The following XKR6 variants were observed in gnomAD, a reference collection of about 807,000 sequenced individuals.
XKR6 encodes XK related 6.
XKR6 carries 22 observed loss-of-function variants against 56.7 expected under a neutral mutation model. The observed-to-expected ratio is 0.39, with a 90% CI of 0.28 to 0.55. The LOEUF (loss-of-function observed/expected upper bound fraction) is 0.55. Among genes scored for constraint, XKR6 ranks in the 20% least tolerant of loss-of-function variants. The pLI, the probability that XKR6 is intolerant of heterozygous loss-of-function variation, is 0.66. For synonymous variants in XKR6, 524 were observed against 387.8 expected (o/e 1.35, Z -4.13); for missense variants, 852 against 889.0 (o/e 0.96, Z 0.53).
At chr8:10,968,287 G>A (rs1368284395) in intron 1 of XKR6, among the ~76,000 whole-genome samples, 1 of 152,248 alleles carries the variant, frequency 6.6e-6, no homozygotes, top group Admixed American at 6.5e-5. Flanking sequence ...AAGTGCCTCT[G>A]CAGATTGGAC....
chr8:10,922,895 A>G (rs1306331765), intron 2 of XKR6, among the ~76,000 whole-genome samples: 1 of 152,224 alleles, frequency 6.6e-6, no homozygotes, highest in East Asian at 1.9e-4. Context: ...TGCATGTCCC[A>G]GCTGGAGCCG....
intron 1 of XKR6, among the ~76,000 whole-genome samples, chr8:11,097,310 G>A (rs1318560978): frequency 2.0e-5 from 3 of 152,042 alleles, no homozygotes; most frequent in Non-Finnish European, 4.4e-5. Flanking sequence ...CTACATTCAG[G>A]ATGCAATACT....
intron 1 of XKR6, among the ~76,000 whole-genome samples, chr8:11,131,410 T>C (rs1163086505): frequency 6.8e-6 from 1 of 147,844 alleles, no homozygotes; most frequent in Non-Finnish European, 1.5e-5. Flanking sequence ...GATGAAATCA[T>C]TTTTTTTGAG....
In XKR6 at chr8:11,034,051, C is replaced by T. The variant is rs560890945; in HGVS notation, c.765-109221G>A. On this transcript the variant is annotated intron_variant, in intron 1 of 2. Coordinates refer to ENST00000416569, the MANE Select transcript of XKR6 (RefSeq NM_173683.4). ...TTAGTCAACCTTATGTGTTAAGTGC[C>T]AACTGTCTGCAAAGCACAGTCCACG... Among the ~76,000 whole-genome samples the T allele has an allele frequency of 3.3e-4, 50 of 152,258 alleles. 1 individual carries two copies. In the South Asian group the frequency reaches 4.4e-3, roughly 13 times the overall value.
intron 1 of XKR6, among the ~76,000 whole-genome samples, chr8:10,928,695 C>T (rs1010541038): frequency 1.5e-4 from 23 of 152,188 alleles, no homozygotes; most frequent in African/African-American, 5.5e-4. Context: ...TCTGCCAGGG[C>T]GCGGAGTGCA....
chr8:10,979,737 C>T (rs1419679004), intron 1 of XKR6, among the ~76,000 whole-genome samples: 1 of 152,196 alleles, frequency 6.6e-6, no homozygotes, highest in Non-Finnish European at 1.5e-5. Context: ...CCTCTGTTCC[C>T]TGTGGCTACT....
chr8:11,194,017 A>C (rs993498406), intron 1 of XKR6, among the ~76,000 whole-genome samples: 5 of 152,218 alleles, frequency 3.3e-5, no homozygotes, highest in African/African-American at 1.2e-4. Context: ...ATGTCCCTAT[A>C]CATAGGTGAC....
intron 1 of XKR6, among the ~76,000 whole-genome samples, chr8:11,182,162 A>G (rs976165394): frequency 1.3e-5 from 2 of 152,234 alleles, no homozygotes; most frequent in Non-Finnish European, 2.9e-5. Context: ...TAACTGGTCC[A>G]TGGCAGGGCT....
intron 1 of XKR6, among the ~76,000 whole-genome samples, chr8:10,932,142 A>T (rs1031629035): frequency 1.3e-5 from 2 of 152,218 alleles, no homozygotes; most frequent in African/African-American, 4.8e-5. Context: ...TCACAGTGAA[A>T]AAAACCCCAC....
At chr8:11,102,759 G>C (rs1476236763) in intron 1 of XKR6, among the ~76,000 whole-genome samples, 1 of 152,222 alleles carries the variant, frequency 6.6e-6, no homozygotes, top group African/African-American at 2.4e-5. Context: ...TTAATGTGCA[G>C]TGCTCAGCAT....
Position 11,198,628 on chromosome 8 carries a change from A to C in XKR6, c.764+1948T>G, listed in dbSNP as rs577449503. Among the ~76,000 whole-genome samples the C allele has an allele frequency of 1.1e-3, 165 of 152,270 alleles. 1 individual carries two copies. In the South Asian group the frequency reaches 0.013, roughly 12 times the overall value. Reference sequence around the variant, plus strand: ...CTTCCACTTTGCCAAGAAACAATTAACATTTAGGTGAATGGAGGTGGGATT... The same window carrying C: ...CTTCCACTTTGCCAAGAAACAATTACCATTTAGGTGAATGGAGGTGGGATT... On this transcript the variant is annotated intron_variant, in intron 1 of 2. Coordinates refer to ENST00000416569, the MANE Select transcript of XKR6 (RefSeq NM_173683.4).
At chr8:11,124,581 C>G (rs750423624) in intron 1 of XKR6, 1 of 155,186 alleles carries the variant, frequency 6.4e-6, no homozygotes, top group South Asian at 2.0e-4. Flanking sequence ...ACTGTGAGTA[C>G]AAGAGCACTT....
chr8:10,959,315 G>T (rs1801992340), intron 1 of XKR6, among the ~76,000 whole-genome samples: 2 of 152,104 alleles, frequency 1.3e-5, no homozygotes, highest in South Asian at 4.1e-4. Flanking sequence ...TGACCCACAG[G>T]TGGTCACAGA....
intron 2 of XKR6, among the ~76,000 whole-genome samples, chr8:10,903,582 T>A (rs1159210315): frequency 6.6e-6 from 1 of 152,068 alleles, no homozygotes; most frequent in Non-Finnish European, 1.5e-5. Flanking sequence ...AGATAGGGCC[T>A]TTAAAGAGGT....
chr8:11,160,692 G>A (rs896405761), intron 1 of XKR6, among the ~76,000 whole-genome samples: 1 of 152,152 alleles, frequency 6.6e-6, no homozygotes, highest in South Asian at 2.1e-4. Flanking sequence ...GGTGGATCCC[G>A]AGGTCAAGAG....
At chr8:11,141,686 T>C (rs1800705309) in intron 1 of XKR6, among the ~76,000 whole-genome samples, 1 of 152,178 alleles carries the variant, frequency 6.6e-6, no homozygotes, top group Non-Finnish European at 1.5e-5. Flanking sequence ...AGTGATCGTG[T>C]GCCCAGTATC....
intron 1 of XKR6, among the ~76,000 whole-genome samples, chr8:11,184,845 T>C (rs930045999): frequency 1.3e-5 from 2 of 152,174 alleles, no homozygotes; most frequent in Non-Finnish European, 2.9e-5. Flanking sequence ...ATAAGGAATT[T>C]TCAGATCATC....
At position 10,968,030 on chromosome 8, in the gene XKR6, C is replaced by A. The variant is rs541395960; in HGVS notation, c.765-43200G>T. Reference sequence around the variant, plus strand: ...TCCGGGCTCAGGGGCCACCTGTGGACATGCAGAGGCCCTGCAGCACCCCCC... The same window carrying A: ...TCCGGGCTCAGGGGCCACCTGTGGAAATGCAGAGGCCCTGCAGCACCCCCC... On this transcript the variant is annotated intron_variant, in intron 1 of 2. Transcript: ENST00000416569. Among the ~76,000 whole-genome samples the A allele has an allele frequency of 5.9e-5, 9 of 152,328 alleles. No homozygotes were observed. The Middle Eastern group carries it at 0.014, about 230-fold the overall frequency.
intron 1 of XKR6, among the ~76,000 whole-genome samples, chr8:11,115,659 T>C (rs1799136520): frequency 2.0e-5 from 3 of 152,174 alleles, no homozygotes; most frequent in Admixed American, 2.0e-4. Flanking sequence ...TCAAAATATA[T>C]GCACCTGATT....
Sources: allele counts gnomAD v4.1 joint callset (sites outside exome capture counted in the v4.1 genomes callset), GRCh38; gene constraint gnomAD v4.1.1; transcripts MANE v1.5; gene names NCBI Gene and HGNC (gene_info 2026-07-23, HGNC 2026-07-21).